KIAA0825: variants seen among roughly 807,000 people sequenced by gnomAD.
KIAA0825 encodes KIAA0825.
In KIAA0825, 119 loss-of-function variants were observed where a neutral mutation model predicts 147.6. That is an observed-to-expected ratio of 0.81 (90% CI 0.69 to 0.94). The LOEUF (loss-of-function observed/expected upper bound fraction) is 0.94, where lower values mean the gene tolerates loss of function less well. Among genes scored for constraint, KIAA0825 ranks in the 40% least tolerant of loss-of-function variants. The pLI is 0.00. For missense variants in KIAA0825, 1,381 were observed against 1,472.7 expected, an observed-to-expected ratio of 0.94 and a Z score of 1.02; for synonymous variants, 470 against 518.1, an observed-to-expected ratio of 0.91 and a Z score of 1.26.
intron 18 of KIAA0825, among the ~76,000 whole-genome samples, chr5:94,388,898 C>T (rs1350854539): frequency 6.6e-6 from 1 of 152,184 alleles, no homozygotes; most frequent in African/African-American, 2.4e-5. Context: ...CATTTCTCTT[C>T]ACTGAAGAGC....
intron 5 of KIAA0825, among the ~76,000 whole-genome samples, chr5:94,507,241 A>G (rs1401622699): frequency 1.3e-5 from 2 of 152,216 alleles, no homozygotes; most frequent in Non-Finnish European, 2.9e-5. Context: ...TGAGGTCAGG[A>G]GACCGAGACC....
intron 20 of KIAA0825, among the ~76,000 whole-genome samples, chr5:94,329,269 G>A (rs565290527): frequency 6.6e-5 from 10 of 151,978 alleles, no homozygotes; most frequent in Non-Finnish European, 1.3e-4. Context: ...TCCAACATAA[G>A]CATAATTGGT....
At chr5:94,373,200 C>T (rs1746975911) in intron 20 of KIAA0825, among the ~76,000 whole-genome samples, 1 of 152,186 alleles carries the variant, frequency 6.6e-6, no homozygotes, top group Non-Finnish European at 1.5e-5. Flanking sequence ...TCCACATTTT[C>T]CTATCTTCTT....
intron 20 of KIAA0825, among the ~76,000 whole-genome samples, chr5:94,257,979 A>AAACACACAAATG (rs1473251544): frequency 1.8e-4 from 27 of 152,086 alleles, no homozygotes; most frequent in African/African-American, 6.5e-4. Context: ...AAATAAATAC[A>AAACACACAAATG]AACACACAAA....
At chr5:94,222,931 A>G (rs1773799575) in intron 20 of KIAA0825, among the ~76,000 whole-genome samples, 1 of 152,186 alleles carries the variant, frequency 6.6e-6, no homozygotes, top group African/African-American at 2.4e-5. Context: ...CAACTTGCAC[A>G]GTTACCCTTT....
chr5:94,211,237 C>T (rs1315336653), intron 20 of KIAA0825, among the ~76,000 whole-genome samples: 2 of 152,120 alleles, frequency 1.3e-5, no homozygotes, highest in Admixed American at 6.6e-5. Context: ...TGGGTTTCAC[C>T]TGTGCCACAA....
intron 20 of KIAA0825, among the ~76,000 whole-genome samples, chr5:94,347,350 C>T (rs1783126137): frequency 6.6e-6 from 1 of 152,208 alleles, no homozygotes; most frequent in Non-Finnish European, 1.5e-5. Context: ...CCGACCAGTA[C>T]AAAAATAGAA....
At chr5:94,406,320 C>T (rs1337342107) in intron 15 of KIAA0825, among the ~76,000 whole-genome samples, 2 of 152,180 alleles carry the variant, frequency 1.3e-5, no homozygotes, top group Admixed American at 1.3e-4. Flanking sequence ...TCTGTAACTG[C>T]TCTGCAATGC....
intron 6 of KIAA0825, among the ~76,000 whole-genome samples, chr5:94,482,215 A>G (rs901270090): frequency 6.6e-6 from 1 of 152,084 alleles, no homozygotes; most frequent in Non-Finnish European, 1.5e-5. Flanking sequence ...GAGAACGGCC[A>G]ATTTGGCTAA....
In KIAA0825 at chr5:94,231,679, T is replaced by TCTAATC. The variant is rs372553374; in HGVS notation, c.3711-77561_3711-77556dup. Among the ~76,000 whole-genome samples, 215 of 152,254 alleles carry TCTAATC rather than the reference T, an allele frequency of 1.4e-3. 1 individual carries two copies. Among genetic ancestry groups the TCTAATC allele is most frequent in the African/African-American group, 4.7e-3 (194 of 41,570 alleles). On this transcript the variant is annotated intron_variant, in intron 20 of 20. Coordinates refer to ENST00000682413, the MANE Select transcript of KIAA0825 (RefSeq NM_001145678.3). Reference sequence around the variant, plus strand: ...GTTTAAATATTGAAGATATTAAGATTCTAATCATTACGTATCTGGATGGAT... The same window carrying TCTAATC: ...GTTTAAATATTGAAGATATTAAGATTCTAATCCTAATCATTACGTATCTGGATGGAT...
At chr5:94,310,672 G>A (rs889828860) in intron 20 of KIAA0825, among the ~76,000 whole-genome samples, 2 of 151,562 alleles carry the variant, frequency 1.3e-5, no homozygotes, top group Non-Finnish European at 3.0e-5. Flanking sequence ...ATCAACTAGG[G>A]TAAAGCTATC....
At chr5:94,477,840 A>G (rs1762068055) in intron 6 of KIAA0825, among the ~76,000 whole-genome samples, 1 of 152,146 alleles carries the variant, frequency 6.6e-6, no homozygotes, top group Admixed American at 6.5e-5. Flanking sequence ...AAAAAATTTG[A>G]TCTATAAAAA....
In KIAA0825 at chr5:94,524,068, G is replaced by A. The variant is rs368170534; in HGVS notation, c.162C>T (p.Ser54=). The part of the protein sequence containing the change: ...SIKHCIKEIQ[S]EINKQCPGVQ... ...CACCTGGACATTGTTTGTTAATTTC[G>A]GACTGTATCTCTTTAATGCAATGTT... Residue 54 remains serine, a synonymous_variant, in exon 4 of 21, where the codon TCC becomes TCT. Transcript: ENST00000682413. The A allele has an allele frequency of 4.2e-5, 68 of 1,607,808 alleles. No homozygotes were observed. Among genetic ancestry groups the A allele is most frequent in the Middle Eastern group, 1.6e-4 (1 of 6,070 alleles).
chr5:94,318,275 T>C (rs1356214203), intron 20 of KIAA0825, among the ~76,000 whole-genome samples: 2 of 151,882 alleles, frequency 1.3e-5, no homozygotes, highest in Non-Finnish European at 2.9e-5. Flanking sequence ...TTTATAGGTA[T>C]ATGTATGCAC....
intron 2 of KIAA0825, among the ~76,000 whole-genome samples, chr5:94,560,791 C>T (rs1256408202): frequency 6.6e-6 from 1 of 152,248 alleles, no homozygotes; most frequent in African/African-American, 2.4e-5. Flanking sequence ...AACCTCCCAT[C>T]TGACTTCCAA....
At chr5:94,184,969 T>G (rs1769996432) in intron 20 of KIAA0825, among the ~76,000 whole-genome samples, 1 of 152,174 alleles carries the variant, frequency 6.6e-6, no homozygotes, top group Non-Finnish European at 1.5e-5. Flanking sequence ...TACAATCAAC[T>G]ATTTCTCACA....
intron 20 of KIAA0825, among the ~76,000 whole-genome samples, chr5:94,184,181 CGAGTA>C (rs1254719705): frequency 1.3e-5 from 2 of 151,852 alleles, no homozygotes; most frequent in Non-Finnish European, 2.9e-5. Flanking sequence ...CTAAGTGTCG[CGAGTA>C]GAGAAACGAT....
At position 94,403,555 on chromosome 5, in the gene KIAA0825, A is replaced by T. The variant is rs1173835482; in HGVS notation, c.2887+14T>A. 1 of 1,544,730 alleles carries T rather than the reference A, an allele frequency of 6.5e-7. No individual in the cohort carries two copies. The highest frequency in any genetic ancestry group is 2.0e-5 in the Admixed American group (1 of 50,906). On this transcript the variant is annotated intron_variant, in intron 16 of 20. Coordinates refer to ENST00000682413, the MANE Select transcript of KIAA0825 (RefSeq NM_001145678.3). Reference sequence around the variant, plus strand: ...TTCAGGTGTATTTTCTTAAAGAGAAACAAGTGTACTTACTTTTGCATGATT... The same window carrying T: ...TTCAGGTGTATTTTCTTAAAGAGAATCAAGTGTACTTACTTTTGCATGATT...
rs1050561305 is a variant in KIAA0825 at position 94,519,746 on chromosome 5, T to G, written c.970+502A>C. ...CAATTTTACTGCAAATTTCAACAAA[T>G]TTTCAAAAATTCTTTTTACCTAATA... On this transcript the variant is annotated intron_variant, in intron 5 of 20. Coordinates refer to ENST00000682413, the MANE Select transcript of KIAA0825 (RefSeq NM_001145678.3). 19 of 819,226 alleles carry G rather than the reference T, an allele frequency of 2.3e-5. No individual in the cohort carries two copies. The African/African-American group carries it at 3.3e-4, about 14-fold the overall frequency. The allele number at this position is 819,226 out of a possible 1,614,324, so 50.7% of individuals were successfully genotyped here.
Sources: gnomAD v4.1 joint callset for allele counts (sites outside exome capture counted in the v4.1 genomes callset) on GRCh38, gnomAD v4.1.1 for gene constraint, MANE v1.5 for transcripts, NCBI Gene and HGNC (gene_info 2026-07-23, HGNC 2026-07-21) for gene names.